ALMS1: variants seen among roughly 807,000 people sequenced by gnomAD.
ALMS1 encodes the protein centrosome-associated protein ALMS1.
ALMS1 carries 271 observed loss-of-function variants against 352.2 expected under a neutral mutation model. The ratio of observed to expected loss-of-function variants is 0.77; its 90% CI spans 0.70 to 0.85. The LOEUF (loss-of-function observed/expected upper bound fraction) is 0.85. ALMS1 is among the 40% of genes least tolerant of loss of function. ALMS1 has a pLI of 0.00. For missense variants in ALMS1, 5,445 were observed against 4,870.7 expected, an observed-to-expected ratio of 1.12 and a Z score of -3.51; for synonymous variants, 1,865 against 1,761.2, an observed-to-expected ratio of 1.06 and a Z score of -1.48.
At chr2:73,476,044 C>A (rs1478084184) in intron 9 of ALMS1, among the ~76,000 whole-genome samples, 1 of 151,882 alleles carries the variant, frequency 6.6e-6, no homozygotes, top group Non-Finnish European at 1.5e-5. Flanking sequence ...AACAACAACT[C>A]CCCATTTTCC....
chr2:73,389,414 T>A (rs1246535606), intron 1 of ALMS1, among the ~76,000 whole-genome samples: 2 of 152,192 alleles, frequency 1.3e-5, no homozygotes, highest in African/African-American at 4.8e-5. Context: ...GTTGGTAGTT[T>A]ATTTTGCTGT....
In ALMS1 at chr2:73,595,981, T is replaced by C. The variant is rs947693576; in HGVS notation, c.11548-3420T>C. Among the ~76,000 whole-genome samples the C allele has an allele frequency of 1.2e-4, 19 of 152,364 alleles. 1 individual carries two copies. The South Asian group carries it at 3.3e-3, about 27-fold the overall frequency. On this transcript the variant is annotated intron_variant, in intron 16 of 22. Coordinates refer to ENST00000613296, the MANE Select transcript of ALMS1 (RefSeq NM_001378454.1). ...TTTTGCCCATTTTAAAATTAGGTTATCTTCCTACTGAGTTGAAAGAGCTCT... is the reference window on the plus strand; with the variant it reads ...TTTTGCCCATTTTAAAATTAGGTTACCTTCCTACTGAGTTGAAAGAGCTCT...
At chr2:73,537,536 T>A (rs1374971588) in intron 12 of ALMS1, among the ~76,000 whole-genome samples, 21 of 152,222 alleles carry the variant, frequency 1.4e-4, no homozygotes, top group Admixed American at 1.4e-3. Flanking sequence ...AGGAAATCCC[T>A]GTTCAGGCAT....
In ALMS1 at chr2:73,450,890, G is replaced by A. The variant is rs1445707777; in HGVS notation, c.4363G>A (p.Val1455Ile). Residue 1455 changes from valine to isoleucine, a missense_variant, in exon 8 of 23, where the codon GTT becomes ATT. Coordinates refer to ENST00000613296, the MANE Select transcript of ALMS1 (RefSeq NM_001378454.1). ...HSHLPEEALE[V>I]SVAPGPVDQT... Reference sequence around the variant, plus strand: ...TCATCTACCTGAAGAGGCTTTGGAAGTTTCAGTTGCTCCTGGACCAGTTGA... The same window carrying A: ...TCATCTACCTGAAGAGGCTTTGGAAATTTCAGTTGCTCCTGGACCAGTTGA... 1.9e-6 allele frequency: 3 copies of A among 1,613,964 alleles called. No individual in the cohort carries two copies. Among genetic ancestry groups the A allele is most frequent in the African/African-American group, 2.7e-5 (2 of 74,966 alleles).
intron 12 of ALMS1, among the ~76,000 whole-genome samples, chr2:73,544,481 G>A (rs1210527128): frequency 3.9e-5 from 6 of 152,050 alleles, no homozygotes; most frequent in South Asian, 4.2e-4. Context: ...AAACCTGCAC[G>A]TTGTCACATG....
intron 12 of ALMS1, among the ~76,000 whole-genome samples, chr2:73,549,104 G>A (rs1043711938): frequency 2.0e-5 from 3 of 152,104 alleles, no homozygotes; most frequent in Non-Finnish European, 4.4e-5. Context: ...TACATACTAG[G>A]AGCTCAGGAA....
At chr2:73,543,393 G>T (rs1444997196) in intron 12 of ALMS1, among the ~76,000 whole-genome samples, 2 of 152,222 alleles carry the variant, frequency 1.3e-5, no homozygotes, top group Admixed American at 6.5e-5. Context: ...TTACATGTTA[G>T]ACCTAAAACC....
In ALMS1 at chr2:73,489,996, G is replaced by A; in HGVS notation, c.8037G>A (p.Trp2679Ter). The A allele has an allele frequency of 6.2e-7, 1 of 1,614,190 alleles. No homozygotes were observed. Among genetic ancestry groups the A allele is most frequent in the Non-Finnish European group, 8.5e-7 (1 of 1,180,040 alleles). ...CATTCGATGAAAAGATGGACCCTTG[G>A]CTGTCAGAATTAGTAGAACCTGCTT... is the stretch of plus-strand genomic sequence containing the variant. ...RMPFDEKMDP[W>*]LSELVEPAFV... Residue 2679 changes from tryptophan (W) to a stop codon, truncating the protein, a stop_gained, in exon 10 of 23, where the codon TGG becomes TGA. Transcript: ENST00000613296. LOFTEE classifies it high-confidence loss of function.
Position 73,520,024 on chromosome 2 carries a change from A to G in ALMS1, c.9781+8A>G, listed in dbSNP as rs774964006. ...TTTCTCGCGGCACAGATGGTAAGAGAATGTGATTGCATTTTAGATTGTTAG... is the reference window on the plus strand; with the variant it reads ...TTTCTCGCGGCACAGATGGTAAGAGGATGTGATTGCATTTTAGATTGTTAG... On this transcript the variant is annotated splice_region_variant and intron_variant, in intron 11 of 22. Transcript: ENST00000613296. 6.2e-7 allele frequency: 1 copy of G among 1,614,044 alleles called. No homozygotes were observed. Among genetic ancestry groups the G allele is most frequent in the South Asian group, 1.1e-5 (1 of 91,076 alleles).
chr2:73,529,045 T>G (rs1021765566), intron 11 of ALMS1, among the ~76,000 whole-genome samples: 2 of 144,900 alleles, frequency 1.4e-5, no homozygotes, highest in Non-Finnish European at 3.0e-5. Flanking sequence ...AGCAGTTTTT[T>G]TTTTTTTTTT....
In ALMS1 at chr2:73,448,482, C is replaced by G; in HGVS notation, c.1955C>G (p.Pro652Arg). ...GAGCCTTTGGAAGTTTCAGCTGCTC[C>G]TGGCCCAGTGGAGCAGAAGACGGGA... Reference protein sequence around the residue: ...TEEPLEVSAAPGPVEQKTGIP... With the variant: ...TEEPLEVSAARGPVEQKTGIP... The change falls in exon 8 of 23, where the codon CCT (proline) becomes CGT (arginine). Residue 652 changes from proline to arginine, a missense_variant. Transcript: ENST00000613296. 1 of 1,613,852 alleles carries G rather than the reference C, an allele frequency of 6.2e-7. No individual in the cohort carries two copies. Among genetic ancestry groups the G allele is most frequent in the East Asian group, 2.2e-5 (1 of 44,884 alleles).
intron 9 of ALMS1, among the ~76,000 whole-genome samples, chr2:73,480,832 A>G (rs1341319846): frequency 6.6e-6 from 1 of 151,490 alleles, no homozygotes; most frequent in Non-Finnish European, 1.5e-5. Context: ...TCCAGTGATG[A>G]TGAGCATTTT....
chr2:73,469,731 A>T (rs1331507013), intron 9 of ALMS1: 1 of 151,888 alleles, frequency 6.6e-6, no homozygotes, highest in African/African-American at 2.4e-5. Flanking sequence ...CGAAGTGTCA[A>T]ATCAGTGTCT....
chr2:73,594,890 G>C (rs1269935255), intron 16 of ALMS1, among the ~76,000 whole-genome samples: 3 of 152,070 alleles, frequency 2.0e-5, no homozygotes, highest in South Asian at 2.1e-4. Context: ...AAGTTTGTTG[G>C]TATCTTGTTT....
At chr2:73,523,658 T>A (rs960446284) in intron 11 of ALMS1, among the ~76,000 whole-genome samples, 2 of 152,026 alleles carry the variant, frequency 1.3e-5, no homozygotes, top group South Asian at 4.2e-4. Context: ...TCCCAGCTAC[T>A]CGGGAGGCTG....
In ALMS1 at chr2:73,450,782, A is replaced by G; in HGVS notation, c.4255A>G (p.Thr1419Ala). 6.2e-7 allele frequency: 1 copy of G among 1,612,822 alleles called. No homozygotes were observed. The highest frequency in any genetic ancestry group is 1.7e-5 in the Admixed American group (1 of 59,886). ...GGTTCCTGGACCAGGTGACCGGAAGACTGGGATACCAACTTTACCCTCTAC... is the reference window on the plus strand; with the variant it reads ...GGTTCCTGGACCAGGTGACCGGAAGGCTGGGATACCAACTTTACCCTCTAC... ...SAVPGPGDRK[T>A]GIPTLPSTFY... Residue 1419 changes from threonine to alanine, a missense_variant, in exon 8 of 23, where the codon ACT becomes GCT. Transcript: ENST00000613296.
intron 14 of ALMS1, 31 bp from the exon 15 acceptor site, chr2:73,558,941 T>G: frequency 6.2e-7 from 1 of 1,612,342 alleles, no homozygotes; most frequent in Non-Finnish European, 8.5e-7. Flanking sequence ...CAAGTTCCTG[T>G]CTGTATAGTG....
In ALMS1 at chr2:73,385,977, G is replaced by A; in HGVS notation, c.109G>A (p.Val37Met). The A allele has an allele frequency of 6.5e-7, 1 of 1,540,196 alleles. No homozygotes were observed. Among genetic ancestry groups the A allele is most frequent in the African/African-American group, 1.4e-5 (1 of 72,794 alleles). The stretch of plus-strand genomic sequence containing the variant: ...GGCTGCAGCGGCGGCGGCGGCGAAC[G>A]TGGACGACGTAGTGGTCGTGGAGGA... ...EEAAAAAAAN[V>M]DDVVVVEEVE... The change falls in exon 1 of 23, where the codon GTG (valine) becomes ATG (methionine). Residue 37 changes from valine to methionine, a missense_variant. Val to Met is a conservative substitution (Grantham distance 21). Coordinates refer to ENST00000613296, the MANE Select transcript of ALMS1 (RefSeq NM_001378454.1).
At chr2:73,439,307 G>A (rs1671669672) in intron 7 of ALMS1, among the ~76,000 whole-genome samples, 1 of 151,598 alleles carries the variant, frequency 6.6e-6, no homozygotes, top group Admixed American at 6.6e-5. Context: ...TAGAGACAAG[G>A]TCTTGCTATG....
Sources: allele counts gnomAD v4.1 joint callset (sites outside exome capture counted in the v4.1 genomes callset), GRCh38; gene constraint gnomAD v4.1.1; transcripts MANE v1.5; gene names NCBI Gene and HGNC (gene_info 2026-07-23, HGNC 2026-07-21).